Variants in TBC1D31 observed in about 807,000 individuals in gnomAD.
TBC1D31 encodes the protein TBC1 domain family member 31, also known as WD repeat domain 67.
Under a neutral mutation model 132.9 loss-of-function variants are expected in TBC1D31, and 99 were observed. The observed-to-expected ratio is 0.74, with a 90% CI of 0.63 to 0.88. The LOEUF is 0.88. Ranked by LOEUF, TBC1D31 falls within the 40% of genes least tolerant of loss-of-function variation. The probability of loss-of-function intolerance (pLI) is 0.00; values close to 1 mark genes in which losing one functional copy is unlikely to be tolerated. For missense variants in TBC1D31, 1,134 were observed against 1,256.6 expected (o/e 0.90, Z 1.48); for synonymous variants, 385 against 419.4 (o/e 0.92, Z 1.00).
chr8:123,159,268 G>GGAA, the TBC1D31 span, among the ~76,000 whole-genome samples: 1 of 93,934 alleles, frequency 1.1e-5, no homozygotes, highest in Non-Finnish European at 2.2e-5. Flanking sequence ...ATTTGAACAG[G>GGAA]AAAAAAAAAA....
chr8:123,085,875 T>C (rs1010243096), intron 4 of TBC1D31, among the ~76,000 whole-genome samples: 1 of 152,224 alleles, frequency 6.6e-6, no homozygotes, highest in African/African-American at 2.4e-5. Context: ...AGGCCTCCAG[T>C]TGTACTCTTG....
At chr8:123,097,192 T>G (rs563416367) in intron 5 of TBC1D31, 90 bp from the exon 6 acceptor site, 1 of 1,388,634 alleles carries the variant, frequency 7.2e-7, no homozygotes, top group African/African-American at 1.4e-5. Flanking sequence ...ATAGACACAG[T>G]ACATTTCTGT....
At chr8:123,160,665 T>G in the TBC1D31 span, among the ~76,000 whole-genome samples, 1 of 152,002 alleles carries the variant, frequency 6.6e-6, no homozygotes. Flanking sequence ...TTTTTCCAAA[T>G]TAGCCTAGGG....
chr8:123,121,745 C>A (rs980692309), intron 11 of TBC1D31, among the ~76,000 whole-genome samples: 4 of 152,132 alleles, frequency 2.6e-5, no homozygotes, highest in African/African-American at 7.2e-5. Context: ...ATTAGCCAGT[C>A]TCAGGTATTT....
chr8:123,097,251 G>A (rs1166137635), intron 5 of TBC1D31, 31 bp from the exon 6 acceptor site: 23 of 1,611,128 alleles, frequency 1.4e-5, no homozygotes, highest in Non-Finnish European at 1.8e-5. Context: ...AATTGAACCC[G>A]TTTTTCTTTC....
chr8:123,081,256 T>A (rs1659603426), intron 2 of TBC1D31, among the ~76,000 whole-genome samples: 1 of 152,230 alleles, frequency 6.6e-6, no homozygotes. Flanking sequence ...TTTGGCTTAC[T>A]TCCTTCCATA....
chr8:123,091,931 T>C (rs774323840), intron 4 of TBC1D31, among the ~76,000 whole-genome samples: 3 of 152,240 alleles, frequency 2.0e-5, no homozygotes, highest in African/African-American at 7.2e-5. Context: ...TAGGATTATA[T>C]ATGCATTTGC....
In TBC1D31 at chr8:123,097,291, A is replaced by G; in HGVS notation, c.681A>G (p.Arg227=). The G allele has an allele frequency of 6.2e-7, 1 of 1,614,120 alleles. No homozygotes were observed. The highest frequency in any genetic ancestry group is 2.2e-5 in the East Asian group (1 of 44,870). Residue 227 remains arginine (R), a synonymous_variant, in exon 6 of 22, where the codon CGA becomes CGG. Transcript: ENST00000287380. ...TTTTTTGTTTATATAGAGATGGCCG[A>G]ATCCTGGCTGCTGGAGGCAAGTCAA... The part of the protein sequence containing the change: ...YKVFAVTRDG[R]ILAAGGKSNH...
chr8:123,132,844 T>C (rs2130837025), intron 16 of TBC1D31, among the ~76,000 whole-genome samples: 1 of 152,392 alleles, frequency 6.6e-6, no homozygotes, highest in East Asian at 1.9e-4. Context: ...TCTCATCTAG[T>C]GAATGACATT....
At chr8:123,112,872 C>T (rs555333747) in intron 10 of TBC1D31, among the ~76,000 whole-genome samples, 62 of 152,278 alleles carry the variant, frequency 4.1e-4, no homozygotes, top group Admixed American at 2.2e-3. Flanking sequence ...ACTTACTATG[C>T]TTCCTGTCTG....
chr8:123,093,884 CT>C, intron 5 of TBC1D31, 142 bp downstream of exon 5: 4 of 522,168 alleles, frequency 7.7e-6, no homozygotes, highest in Non-Finnish European at 1.2e-5. Flanking sequence ...GATCTGCTAA[CT>C]TTTTTTATTT....
chr8:123,077,553 A>G (rs1814665651), intron 2 of TBC1D31, among the ~76,000 whole-genome samples: 1 of 135,268 alleles, frequency 7.4e-6, no homozygotes, highest in Admixed American at 7.8e-5. Context: ...TTTTCTTCAG[A>G]CGGAGCCTTG....
chr8:123,140,267 C>T (rs964710067), intron 17 of TBC1D31, among the ~76,000 whole-genome samples: 5 of 152,290 alleles, frequency 3.3e-5, no homozygotes, highest in African/African-American at 1.2e-4. Flanking sequence ...GAGGCTGAGG[C>T]AGGAGAATCA....
At chr8:123,113,746 A>AT (rs11331266) in intron 10 of TBC1D31, among the ~76,000 whole-genome samples, 1 of 151,866 alleles carries the variant, frequency 6.6e-6, no homozygotes, top group Non-Finnish European at 1.5e-5. Context: ...CTTCAAAGCA[A>AT]TTTTTTTTGT....
intron 7 of TBC1D31, 42 bp downstream of exon 7, chr8:123,101,049 CTTATATA>C (rs763176627): frequency 8.2e-5 from 110 of 1,334,104 alleles, no homozygotes; most frequent in Non-Finnish European, 9.6e-5. Context: ...TTTATAAACA[CTTATATA>C]TTATATCATC....
chr8:123,155,470 T>G (rs1822965251), downstream of TBC1D31, among the ~76,000 whole-genome samples: 1 of 152,154 alleles, frequency 6.6e-6, no homozygotes. The surrounding 1 kb of genome is among the most constrained non-coding windows in gnomAD (Gnocchi z 4.1). Context: ...GTAAAGGATT[T>G]GGGGCTACTG....
chr8:123,094,629 T>A (rs1816677328), intron 5 of TBC1D31, among the ~76,000 whole-genome samples: 1 of 152,016 alleles, frequency 6.6e-6, no homozygotes, highest in African/African-American at 2.4e-5. Context: ...AACCTCCACC[T>A]CCCAGCTTCA....
At position 123,128,505 on chromosome 8, in the gene TBC1D31, AAG is replaced by A; in HGVS notation, c.2116_2117del (p.Arg706AlafsTer4). On this transcript the variant is annotated frameshift_variant, in exon 14 of 22. Coordinates refer to ENST00000287380, the MANE Select transcript of TBC1D31 (RefSeq NM_145647.4). LOFTEE classifies it high-confidence loss of function. ...TAAGGAATGATGAATTGGATTACTT[AAG>A]AGAGAGGTAATTATGGAATAGTTTT... The part of the protein sequence containing the change: ...RIRNDELDYL[R>X]ERQTVEDMQA... 1 of 1,584,986 alleles carries A rather than the reference AAG, an allele frequency of 6.3e-7. No homozygotes were observed. Among genetic ancestry groups the A allele is most frequent in the East Asian group, 2.2e-5 (1 of 44,716 alleles).
chr8:123,125,917 T>A (rs1819981162), intron 11 of TBC1D31, 139 bp from the exon 12 acceptor site: 1 of 632,700 alleles, frequency 1.6e-6, no homozygotes, highest in South Asian at 5.4e-5. Context: ...AAATCGATTG[T>A]CATACAATAT....
Sources: gnomAD v4.1 joint callset for allele counts (sites outside exome capture counted in the v4.1 genomes callset) on GRCh38, gnomAD v4.1.1 for gene constraint, Gnocchi (gnomAD v3.1) non-coding constraint, MANE v1.5 for transcripts, NCBI Gene and HGNC (gene_info 2026-07-23, HGNC 2026-07-21) for gene names.